Variants in RSRC1 observed in about 807,000 individuals in gnomAD.
RSRC1 encodes serine/Arginine-related protein 53.
A neutral mutation model predicts 49.1 loss-of-function variants in RSRC1; 39 were observed. The ratio of observed to expected loss-of-function variants is 0.79; its 90% CI spans 0.61 to 1.04. The LOEUF (loss-of-function observed/expected upper bound fraction) is 1.04, where lower values mean the gene tolerates loss of function less well. RSRC1 is among the 50% of genes least tolerant of loss of function. RSRC1 has a pLI of 0.00. For missense variants in RSRC1, 388 were observed against 402.4 expected (o/e 0.96, Z 0.31); for synonymous variants, 143 against 130.8 (o/e 1.09, Z -0.63).
intron 4 of RSRC1, among the ~76,000 whole-genome samples, chr3:158,211,255 A>C (rs1466188302): frequency 6.6e-6 from 1 of 152,014 alleles, no homozygotes; most frequent in African/African-American, 2.4e-5. Context: ...AGAAACCTTC[A>C]AATTCTGACT....
At chr3:158,400,216 G>A (rs1329121057) in intron 6 of RSRC1, among the ~76,000 whole-genome samples, 1 of 152,016 alleles carries the variant, frequency 6.6e-6, no homozygotes, top group Non-Finnish European at 1.5e-5. Flanking sequence ...GGTCATAGGT[G>A]TCCTAAAATG....
chr3:158,186,730 G>A (rs1719950963), intron 3 of RSRC1, among the ~76,000 whole-genome samples: 1 of 152,104 alleles, frequency 6.6e-6, no homozygotes, highest in East Asian at 1.9e-4. Context: ...GGCATAGTGG[G>A]TGGGTTATAT....
chr3:158,128,228 C>G (rs2108174527), intron 3 of RSRC1, among the ~76,000 whole-genome samples: 1 of 152,306 alleles, frequency 6.6e-6, no homozygotes, highest in South Asian at 2.1e-4. Flanking sequence ...CCATGCTTCT[C>G]TTTTCCCCAG....
chr3:158,216,904 T>C (rs1356646411), intron 4 of RSRC1, among the ~76,000 whole-genome samples: 1 of 151,790 alleles, frequency 6.6e-6, no homozygotes, highest in Non-Finnish European at 1.5e-5. Flanking sequence ...TTCATTTTGC[T>C]GTCATAATAT....
At chr3:158,502,143 A>G (rs960958835) in intron 7 of RSRC1, among the ~76,000 whole-genome samples, 4 of 152,184 alleles carry the variant, frequency 2.6e-5, no homozygotes, top group Non-Finnish European at 4.4e-5. Context: ...GCTAGATACA[A>G]AATTCTTGGC....
chr3:158,348,584 A>T (rs200155590), intron 5 of RSRC1, among the ~76,000 whole-genome samples: 211 of 60,616 alleles, frequency 3.5e-3, no homozygotes, highest in Middle Eastern at 7.6e-3. Context: ...AAATTATTTT[A>T]TTTTTTTTTA....
At chr3:158,307,568 G>C (rs1347098194) in intron 5 of RSRC1, among the ~76,000 whole-genome samples, 1 of 151,652 alleles carries the variant, frequency 6.6e-6, no homozygotes, top group African/African-American at 2.4e-5. Context: ...AAATATTTTA[G>C]CAATATTTAT....
chr3:158,340,233 C>T (rs1344472202), intron 5 of RSRC1, among the ~76,000 whole-genome samples: 1 of 152,046 alleles, frequency 6.6e-6, no homozygotes, highest in African/African-American at 2.4e-5. Context: ...GCTTTTGCTT[C>T]CTCCTCATTT....
chr3:158,475,008 A>C (rs778645454), intron 7 of RSRC1, among the ~76,000 whole-genome samples: 1 of 152,048 alleles, frequency 6.6e-6, no homozygotes. Context: ...TCAACCTCCC[A>C]GGCTCAAGAC....
At chr3:158,230,213 G>A (rs759646340) in intron 4 of RSRC1, among the ~76,000 whole-genome samples, 4 of 152,008 alleles carry the variant, frequency 2.6e-5, no homozygotes, top group Non-Finnish European at 4.4e-5. Flanking sequence ...GAATCAGGTT[G>A]TGTATTTCTT....
At chr3:158,335,742 A>G (rs2108204479) in intron 5 of RSRC1, among the ~76,000 whole-genome samples, 1 of 152,340 alleles carries the variant, frequency 6.6e-6, no homozygotes, top group East Asian at 1.9e-4. Context: ...GCAACTACTC[A>G]ATTCTGCCAC....
At chr3:158,208,899 A>G (rs766989954) in intron 4 of RSRC1, among the ~76,000 whole-genome samples, 16 of 152,178 alleles carry the variant, frequency 1.1e-4, no homozygotes, top group Non-Finnish European at 1.9e-4. Context: ...GGATTAACAT[A>G]TTATTGGACC....
intron 4 of RSRC1, among the ~76,000 whole-genome samples, chr3:158,271,099 C>G (rs1357666009): frequency 2.0e-5 from 3 of 151,460 alleles, no homozygotes; most frequent in African/African-American, 7.3e-5. Context: ...CATGAATGTT[C>G]TAACTTCTTA....
At chr3:158,138,986 G>T (rs150225658) in intron 3 of RSRC1, among the ~76,000 whole-genome samples, 14 of 152,220 alleles carry the variant, frequency 9.2e-5, no homozygotes, top group African/African-American at 3.4e-4. Context: ...GTGAGGAAGG[G>T]TCTAGAGTAT....
chr3:158,319,150 A>G (rs1728620727), intron 5 of RSRC1, among the ~76,000 whole-genome samples: 1 of 152,130 alleles, frequency 6.6e-6, no homozygotes. Flanking sequence ...CCCAAATCTC[A>G]TCTCGAATTG....
intron 6 of RSRC1, among the ~76,000 whole-genome samples, chr3:158,456,689 AAGAAAGTG>A (rs1737342148): frequency 6.6e-6 from 1 of 152,166 alleles, no homozygotes; most frequent in South Asian, 2.1e-4. Flanking sequence ...TTTTTTCAGC[AAGAAAGTG>A]AGAATGGGCA....
chr3:158,342,939 T>A (rs1730338260), intron 5 of RSRC1, among the ~76,000 whole-genome samples: 1 of 152,160 alleles, frequency 6.6e-6, no homozygotes, highest in African/African-American at 2.4e-5. Context: ...AGGCAGAGCC[T>A]AGTGGTCTCC....
intron 7 of RSRC1, among the ~76,000 whole-genome samples, chr3:158,531,832 G>A (rs1295372366): frequency 6.6e-6 from 1 of 151,806 alleles, no homozygotes; most frequent in African/African-American, 2.4e-5. Flanking sequence ...TTTGAAACCT[G>A]TGTTCATGAG....
chr3:158,455,322 G>T (rs893675628), intron 6 of RSRC1, among the ~76,000 whole-genome samples: 3 of 152,068 alleles, frequency 2.0e-5, no homozygotes, highest in Admixed American at 2.0e-4. Context: ...CCTGTAAAGA[G>T]ATTTTTCCCT....
Sources: allele counts gnomAD v4.1 joint callset (sites outside exome capture counted in the v4.1 genomes callset), GRCh38; gene constraint gnomAD v4.1.1; transcripts MANE v1.5; gene names NCBI Gene and HGNC (gene_info 2026-07-23, HGNC 2026-07-21).